The following TNS3 variants were observed in gnomAD, a reference collection of about 807,000 sequenced individuals.
The protein encoded by TNS3 is tensin 3.
A neutral mutation model predicts 140.9 loss-of-function variants in TNS3; 45 were observed. That is an observed-to-expected ratio of 0.32 (90% CI 0.25 to 0.41). The LOEUF (loss-of-function observed/expected upper bound fraction) is 0.41, where lower values mean the gene tolerates loss of function less well. Among genes scored for constraint, TNS3 ranks in the 10% least tolerant of loss-of-function variants. TNS3 has a pLI of 1.00. For missense variants in TNS3, 1,716 were observed against 1,906.7 expected, an observed-to-expected ratio of 0.90 and a Z score of 1.86; for synonymous variants, 815 against 788.4, an observed-to-expected ratio of 1.03 and a Z score of -0.56.
intron 8 of TNS3, among the ~76,000 whole-genome samples, chr7:47,429,272 T>G (rs1348758777): frequency 6.6e-6 from 1 of 152,230 alleles, no homozygotes; most frequent in East Asian, 1.9e-4. Context: ...TCCCATCTGT[T>G]TACCTACATC....
intron 17 of TNS3, among the ~76,000 whole-genome samples, chr7:47,361,588 C>T (rs1249273798): frequency 1.3e-5 from 2 of 152,170 alleles, no homozygotes; most frequent in Non-Finnish European, 1.5e-5. Context: ...TTTCTGAATC[C>T]TAAAGCGCTC....
chr7:47,280,911 T>G (rs1785112259), intron 28 of TNS3, among the ~76,000 whole-genome samples: 1 of 146,954 alleles, frequency 6.8e-6, no homozygotes, highest in Non-Finnish European at 1.5e-5. Context: ...AGATTCCATC[T>G]CAAAAAAAAA....
intron 20 of TNS3, among the ~76,000 whole-genome samples, chr7:47,342,954 C>T (rs1438876145): frequency 6.6e-6 from 1 of 152,288 alleles, no homozygotes; most frequent in South Asian, 2.1e-4. Context: ...TCTCTGTGCT[C>T]CTTGTGGGCT....
intron 2 of TNS3, among the ~76,000 whole-genome samples, chr7:47,514,007 G>A (rs954221485): frequency 1.3e-5 from 2 of 152,252 alleles, no homozygotes; most frequent in African/African-American, 4.8e-5. Context: ...GTCTCCACGA[G>A]CCTTGGGAAT....
Position 47,416,292 on chromosome 7 carries a change from C to T in TNS3, c.474-1086G>A, listed in dbSNP as rs181933160. Among the ~76,000 whole-genome samples, 95 of 152,350 alleles carry T rather than the reference C, an allele frequency of 6.2e-4. 1 individual carries two copies. The East Asian group carries it at 0.016, about 25-fold the overall frequency. Reference sequence around the variant, plus strand: ...CAACCATCCTACCCTAAGCCAGAAACGGCCATCATGGACCTTGTGTTAAGA... The same window carrying T: ...CAACCATCCTACCCTAAGCCAGAAATGGCCATCATGGACCTTGTGTTAAGA... On this transcript the variant is annotated intron_variant, in intron 10 of 30. Coordinates refer to ENST00000311160, the MANE Select transcript of TNS3 (RefSeq NM_022748.12).
chr7:47,280,128 A>G (rs1274341895), intron 30 of TNS3, 36 bp downstream of exon 30: 1 of 1,613,606 alleles, frequency 6.2e-7, no homozygotes, highest in Admixed American at 1.7e-5. Flanking sequence ...ACAACTGCAG[A>G]CAAGGAGAGA....
intron 4 of TNS3, among the ~76,000 whole-genome samples, chr7:47,458,549 A>T (rs80198521): frequency 0.022 from 3,408 of 152,348 alleles, 143 homozygotes; most frequent in African/African-American, 0.078. Context: ...AATATAAAAC[A>T]AGATGAAATA....
At chr7:47,497,755 C>T (rs1342323929) in intron 3 of TNS3, among the ~76,000 whole-genome samples, 4 of 151,350 alleles carry the variant, frequency 2.6e-5, no homozygotes, top group African/African-American at 7.3e-5. Context: ...ACTGGAGCGA[C>T]GTGTGCCCAT....
intron 8 of TNS3, among the ~76,000 whole-genome samples, chr7:47,431,584 TC>T (rs1232242622): frequency 2.6e-5 from 4 of 152,078 alleles, no homozygotes; most frequent in Non-Finnish European, 4.4e-5. Flanking sequence ...AGAGTGAGAC[TC>T]CGTCTCAAAA....
Position 47,512,988 on chromosome 7 carries a change from G to A in TNS3, c.-152-6044C>T, listed in dbSNP as rs554947461. Among the ~76,000 whole-genome samples the A allele has an allele frequency of 7.9e-5, 12 of 152,200 alleles. No homozygotes were observed. In the South Asian group the frequency reaches 2.5e-3, roughly 32 times the overall value. Reference sequence around the variant, plus strand: ...CACAAACAAACTTAGACAAGCAACTGACTGGAATGTTTGCAATGTACAAAG... The same window carrying A: ...CACAAACAAACTTAGACAAGCAACTAACTGGAATGTTTGCAATGTACAAAG... On this transcript the variant is annotated intron_variant, in intron 2 of 30. Transcript: ENST00000311160.
At chr7:47,356,261 C>T (rs879926763) in intron 17 of TNS3, among the ~76,000 whole-genome samples, 11 of 152,292 alleles carry the variant, frequency 7.2e-5, no homozygotes, top group African/African-American at 2.4e-4. Flanking sequence ...TCCTAAAGCT[C>T]GGGCCTCACC....
At chr7:47,406,300 T>C (rs117058994) in intron 13 of TNS3, among the ~76,000 whole-genome samples, 2,625 of 152,258 alleles carry the variant, frequency 0.017, 36 homozygotes, top group Non-Finnish European at 0.026. Flanking sequence ...AAGGTCAGCT[T>C]TGCTGTTGCC....
intron 4 of TNS3, among the ~76,000 whole-genome samples, chr7:47,461,445 G>A (rs1049046967): frequency 2.6e-5 from 4 of 152,096 alleles, no homozygotes; most frequent in East Asian, 1.9e-4. Flanking sequence ...GGCTGTCCCC[G>A]CTCCCACTGA....
intron 1 of TNS3, chr7:47,581,480 T>C (rs956044072): frequency 8.5e-5 from 13 of 152,202 alleles, no homozygotes; most frequent in African/African-American, 2.9e-4. Flanking sequence ...AGCCTGCCCA[T>C]TGAAGCCCCT....
At chr7:47,476,275 C>T (rs989721086) in intron 4 of TNS3, among the ~76,000 whole-genome samples, 4 of 152,188 alleles carry the variant, frequency 2.6e-5, no homozygotes, top group African/African-American at 9.7e-5. Context: ...TGTCATACCC[C>T]GGATGGGACT....
intron 18 of TNS3, 60 bp from the exon 19 acceptor site, chr7:47,345,098 A>C: frequency 7.2e-7 from 1 of 1,394,296 alleles, no homozygotes; most frequent in Non-Finnish European, 1.0e-6. Flanking sequence ...GCCCCTCCAA[A>C]CAGTTGTGGT....
intron 8 of TNS3, among the ~76,000 whole-genome samples, chr7:47,432,821 C>A (rs1022767439): frequency 6.6e-6 from 1 of 152,164 alleles, no homozygotes; most frequent in African/African-American, 2.4e-5. Flanking sequence ...TCTTAGCTCA[C>A]AGGATGTAGA....
At position 47,428,389 on chromosome 7, in the gene TNS3, A is replaced by T. The variant is rs1213127087; in HGVS notation, c.325-13T>A. On this transcript the variant is annotated splice_polypyrimidine_tract_variant and intron_variant, in intron 8 of 30. Transcript: ENST00000311160. ...GTCCTTTCCCGCCCTGCAGGAGACA[A>T]AAGATCAGCTGATTTTCTCTGAAAT... 4 of 1,404,210 alleles carry T rather than the reference A, an allele frequency of 2.8e-6. No homozygotes were observed. The highest frequency in any genetic ancestry group is 2.8e-6 in the Non-Finnish European group (3 of 1,071,322). 87.0% of individuals were successfully genotyped at this position (1,404,210 alleles called of 1,614,324 possible).
At chr7:47,342,460 T>C (rs940365333) in intron 20 of TNS3, among the ~76,000 whole-genome samples, 3 of 152,238 alleles carry the variant, frequency 2.0e-5, no homozygotes, top group African/African-American at 7.2e-5. Context: ...TACTATAGTC[T>C]GCATTTTTAG....
Sources: allele counts gnomAD v4.1 joint callset (sites outside exome capture counted in the v4.1 genomes callset), GRCh38; gene constraint gnomAD v4.1.1; transcripts MANE v1.5; gene names NCBI Gene and HGNC (gene_info 2026-07-23, HGNC 2026-07-21).